Variants in CMBL observed in about 807,000 individuals in gnomAD.
The protein encoded by CMBL is carboxymethylenebutenolidase homolog.
CMBL carries 17 observed loss-of-function variants against 28.7 expected under a neutral mutation model. That is an observed-to-expected ratio of 0.59 (90% CI 0.41 to 0.89). The LOEUF (loss-of-function observed/expected upper bound fraction) is 0.89, where lower values mean the gene tolerates loss of function less well. Ranked by LOEUF, CMBL falls within the 40% of genes least tolerant of loss-of-function variation. CMBL has a pLI of 0.00. For synonymous variants in CMBL, 106 were observed against 101.6 expected, an observed-to-expected ratio of 1.04 and a Z score of -0.26; for missense variants, 310 against 298.5, an observed-to-expected ratio of 1.04 and a Z score of -0.28.
chr5:10,283,946 C>T (rs1455905498), intron 4 of CMBL, among the ~76,000 whole-genome samples: 3 of 152,164 alleles, frequency 2.0e-5, no homozygotes, highest in Non-Finnish European at 4.4e-5. Flanking sequence ...GATAAGAAGA[C>T]GTAAATAACA....
intron 1 of CMBL, among the ~76,000 whole-genome samples, chr5:10,299,719 T>C (rs1746863473): frequency 6.7e-6 from 1 of 150,044 alleles, no homozygotes; most frequent in African/African-American, 2.4e-5. Flanking sequence ...CATGGTGGTG[T>C]GTGCACCTGT....
intron 1 of CMBL, chr5:10,307,147 C>G (rs191885918): frequency 6.6e-6 from 1 of 152,078 alleles, no homozygotes; most frequent in South Asian, 2.1e-4. Flanking sequence ...TAATACCCAC[C>G]CTAAAGAAAA....
At chr5:10,287,130 T>C (rs955195343) in intron 3 of CMBL, among the ~76,000 whole-genome samples, 2 of 152,196 alleles carry the variant, frequency 1.3e-5, no homozygotes, top group Admixed American at 6.5e-5. Context: ...TGCAAACTGA[T>C]TGTTTGGAAC....
At chr5:10,281,637 T>G (rs1746498448) in intron 5 of CMBL, among the ~76,000 whole-genome samples, 4 of 152,174 alleles carry the variant, frequency 2.6e-5, no homozygotes, top group Admixed American at 2.6e-4. Flanking sequence ...AGCATGGAGG[T>G]GGGGCAAGAG....
intron 1 of CMBL, 134 bp from the exon 2 acceptor site, chr5:10,290,915 A>G (rs191769291): frequency 1.2e-5 from 8 of 666,920 alleles, no homozygotes; most frequent in East Asian, 8.2e-5. Context: ...TGAGAAACCA[A>G]TGGTAACTTC....
intron 4 of CMBL, chr5:10,286,032 G>T: frequency 4.6e-6 from 1 of 219,692 alleles, no homozygotes; most frequent in Non-Finnish European, 8.8e-6. Flanking sequence ...AAAATCTTGT[G>T]TGATATTGAT....
At chr5:10,300,854 TTA>T (rs1274925098) in intron 1 of CMBL, among the ~76,000 whole-genome samples, 2 of 147,686 alleles carry the variant, frequency 1.4e-5, no homozygotes, top group Non-Finnish European at 3.0e-5. Flanking sequence ...TTTATATTTT[TTA>T]TATATTTATT....
intron 1 of CMBL, among the ~76,000 whole-genome samples, chr5:10,295,142 G>A (rs891835264): frequency 6.6e-6 from 1 of 151,292 alleles, no homozygotes; most frequent in Non-Finnish European, 1.5e-5. Context: ...GGAGCGTAGT[G>A]GCATGATCTT....
At chr5:10,299,790 G>A (rs1310286767) in intron 1 of CMBL, among the ~76,000 whole-genome samples, 1 of 152,030 alleles carries the variant, frequency 6.6e-6, no homozygotes, top group Admixed American at 6.6e-5. Context: ...GGTCAAGACT[G>A]CACCACTGCA....
intron 1 of CMBL, chr5:10,292,137 A>T (rs982814758): frequency 2.4e-4 from 37 of 152,260 alleles, no homozygotes; most frequent in African/African-American, 8.9e-4. Flanking sequence ...ACTCACCGCC[A>T]TCAGGCCTGC....
intron 4 of CMBL, chr5:10,286,010 A>G: frequency 5.4e-6 from 1 of 186,716 alleles, no homozygotes; most frequent in Non-Finnish European, 1.1e-5. Context: ...ATTTTCATAG[A>G]TGTTGCTCAT....
intron 4 of CMBL, 144 bp from the exon 5 acceptor site, chr5:10,282,432 T>C: frequency 1.7e-6 from 1 of 596,754 alleles, no homozygotes; most frequent in Non-Finnish European, 3.0e-6. Flanking sequence ...ATCTCTGCTT[T>C]GCGGACTTTA....
At chr5:10,296,229 T>A (rs1218695695) in intron 1 of CMBL, among the ~76,000 whole-genome samples, 1 of 152,190 alleles carries the variant, frequency 6.6e-6, no homozygotes, top group Non-Finnish European at 1.5e-5. Flanking sequence ...ATTTGCTAAC[T>A]CAGTGTTTGT....
chr5:10,305,858 T>C (rs1472299667), intron 1 of CMBL, among the ~76,000 whole-genome samples: 1 of 152,150 alleles, frequency 6.6e-6, no homozygotes, highest in Non-Finnish European at 1.5e-5. Flanking sequence ...CATGAGCCAC[T>C]GTGCCCAATC....
At position 10,284,189 on chromosome 5, in the gene CMBL, G is replaced by A. The variant is rs1056740872; in HGVS notation, c.467-1901C>T. Among the ~76,000 whole-genome samples, 4 of 152,194 alleles carry A rather than the reference G, an allele frequency of 2.6e-5. No homozygotes were observed. In the East Asian group the frequency reaches 5.8e-4, roughly 22 times the overall value. On this transcript the variant is annotated intron_variant, in intron 4 of 5. Coordinates refer to ENST00000296658, the MANE Select transcript of CMBL (RefSeq NM_138809.4). Reference sequence around the variant, plus strand: ...ACAACAGCGGCCAGAAGGTGGCGCCGGGGAGGCATCCACTCCCGACCGCCT... The same window carrying A: ...ACAACAGCGGCCAGAAGGTGGCGCCAGGGAGGCATCCACTCCCGACCGCCT...
At chr5:10,280,704 TTCATAAC>T in intron 5 of CMBL, 72 bp from the exon 6 acceptor site, 1 of 1,286,536 alleles carries the variant, frequency 7.8e-7, no homozygotes, top group South Asian at 1.4e-5. Context: ...TTAGTGAGCG[TTCATAAC>T]AGAAATTTAA....
chr5:10,301,606 G>GTTTCT (rs1554014103), intron 1 of CMBL, among the ~76,000 whole-genome samples: 1 of 132,260 alleles, frequency 7.6e-6, no homozygotes, highest in East Asian at 2.1e-4. Context: ...TTCTTTTCGG[G>GTTTCT]TTTTTTTTTT....
At chr5:10,290,397 C>G (rs764266588) in intron 2 of CMBL, 151 bp downstream of exon 2, 10 of 659,908 alleles carry the variant, frequency 1.5e-5, no homozygotes, top group Non-Finnish European at 2.6e-5. Flanking sequence ...AGACATTTCC[C>G]ATCTATCTTC....
intron 5 of CMBL, 44 bp from the exon 6 acceptor site, chr5:10,280,676 T>C: frequency 1.3e-6 from 2 of 1,507,800 alleles, no homozygotes; most frequent in East Asian, 4.6e-5. Context: ...TTAGTGATAC[T>C]TTCCATTCTC....
Sources: allele counts gnomAD v4.1 joint callset (sites outside exome capture counted in the v4.1 genomes callset), GRCh38; gene constraint gnomAD v4.1.1; transcripts MANE v1.5; gene names NCBI Gene and HGNC (gene_info 2026-07-23, HGNC 2026-07-21).